Variants in SCAMP1 observed in about 807,000 individuals in gnomAD.
The protein encoded by SCAMP1 is secretory carrier membrane protein 1.
SCAMP1 carries 15 observed loss-of-function variants against 41.8 expected under a neutral mutation model. The observed-to-expected ratio is 0.36, with a 90% CI of 0.24 to 0.55. The LOEUF is 0.55. Among genes scored for constraint, SCAMP1 ranks in the 20% least tolerant of loss-of-function variants. SCAMP1 has a pLI of 0.86. For missense variants in SCAMP1, 341 were observed against 412.6 expected, an observed-to-expected ratio of 0.83 and a Z score of 1.50; for synonymous variants, 135 against 136.8, an observed-to-expected ratio of 0.99 and a Z score of 0.09.
chr5:78,422,916 A>G (rs1752373004), intron 6 of SCAMP1, among the ~76,000 whole-genome samples: 1 of 152,158 alleles, frequency 6.6e-6, no homozygotes, highest in Admixed American at 6.6e-5. Context: ...TAAAGGATAT[A>G]TTAGGGAAAT....
chr5:78,421,425 C>G lies in SCAMP1; in HGVS notation c.473-376C>G, dbSNP rs1752337126. 2.0e-5 allele frequency among the ~76,000 whole-genome samples: 3 copies of G among 152,144 alleles called. No homozygotes were observed. In the South Asian group the frequency reaches 6.2e-4, roughly 32 times the overall value. ...TTCTGTAAAGATATGGTTTTTCCTC[C>G]TAAGTCCTGGGTCTTTTCCTGGCAG... On this transcript the variant is annotated intron_variant, in intron 5 of 8. Coordinates refer to ENST00000621999, the MANE Select transcript of SCAMP1 (RefSeq NM_004866.6).
chr5:78,453,203 G>T (rs1274243620), intron 7 of SCAMP1, among the ~76,000 whole-genome samples: 2 of 151,192 alleles, frequency 1.3e-5, no homozygotes, highest in Non-Finnish European at 3.0e-5. Context: ...GATCCCATTT[G>T]TCAATTTTGG....
chr5:78,443,677 T>TTTG (rs1752985099), intron 6 of SCAMP1, among the ~76,000 whole-genome samples: 1 of 144,374 alleles, frequency 6.9e-6, no homozygotes, highest in Non-Finnish European at 1.5e-5. Context: ...TTTTTTTTTT[T>TTTG]GAGATAGGAT....
intron 2 of SCAMP1, among the ~76,000 whole-genome samples, chr5:78,397,995 G>C (rs757856045): frequency 1.2e-4 from 19 of 152,184 alleles, no homozygotes; most frequent in Non-Finnish European, 2.4e-4. Context: ...ACACACTGCT[G>C]ATGGGAATGT....
chr5:78,362,709 T>C (rs544949891), intron 1 of SCAMP1, among the ~76,000 whole-genome samples: 7 of 152,140 alleles, frequency 4.6e-5, no homozygotes, highest in Admixed American at 2.0e-4. Flanking sequence ...GACCCTTTAT[T>C]TTTCCATTTA....
intron 6 of SCAMP1, among the ~76,000 whole-genome samples, chr5:78,442,570 T>C (rs1377743903): frequency 1.3e-5 from 2 of 152,222 alleles, no homozygotes; most frequent in East Asian, 1.9e-4. Flanking sequence ...AGTTTTGTTT[T>C]ATAAGAGCAT....
At chr5:78,462,441 T>C (rs1378423697) in intron 8 of SCAMP1, among the ~76,000 whole-genome samples, 2 of 152,178 alleles carry the variant, frequency 1.3e-5, no homozygotes, top group East Asian at 3.8e-4. Flanking sequence ...GCAATTCTCA[T>C]GTTTTAGCCT....
intron 6 of SCAMP1, among the ~76,000 whole-genome samples, chr5:78,424,943 C>T (rs1752430064): frequency 6.6e-6 from 1 of 152,154 alleles, no homozygotes; most frequent in Non-Finnish European, 1.5e-5. Flanking sequence ...CTGTGCGGTT[C>T]TGAGCACATG....
intron 8 of SCAMP1, 40 bp from the exon 9 acceptor site, chr5:78,475,464 G>A: frequency 1.4e-6 from 2 of 1,475,238 alleles, no homozygotes; most frequent in Non-Finnish European, 1.8e-6. Context: ...GAATGCGTAG[G>A]TTGCTACTTA....
chr5:78,453,336 T>G (rs1753293918), intron 7 of SCAMP1, among the ~76,000 whole-genome samples: 1 of 149,138 alleles, frequency 6.7e-6, no homozygotes, highest in Non-Finnish European at 1.5e-5. Context: ...GTTTAAGTCT[T>G]TAATCCATCT....
At chr5:78,404,969 A>G (rs1365156651) in intron 2 of SCAMP1, among the ~76,000 whole-genome samples, 2 of 152,240 alleles carry the variant, frequency 1.3e-5, no homozygotes, top group African/African-American at 2.4e-5. Flanking sequence ...ACAATTTCTT[A>G]ATTACAGTTA....
chr5:78,431,800 C>T (rs1461287008), intron 6 of SCAMP1, among the ~76,000 whole-genome samples: 1 of 151,900 alleles, frequency 6.6e-6, no homozygotes, highest in Non-Finnish European at 1.5e-5. Context: ...GCTAGAAACA[C>T]ACAGTACATT....
chr5:78,475,515 A>G lies in SCAMP1; in HGVS notation c.864A>G (p.Leu288=), dbSNP rs1470603799. The G allele has an allele frequency of 1.2e-6, 2 of 1,606,678 alleles. No individual in the cohort carries two copies. The highest frequency in any genetic ancestry group is 2.2e-5 in the East Asian group (1 of 44,766). ...TTGTGCCTCTGTAGGTACATGGACT[A>G]TATCGCACAACAGGTGCTAGTTTTG... The part of the protein sequence containing the change: ...SLVMFKKVHG[L]YRTTGASFEK... Residue 288 remains leucine (L), a synonymous_variant, in exon 9 of 9, where the codon CTA becomes CTG. Coordinates refer to ENST00000621999, the MANE Select transcript of SCAMP1 (RefSeq NM_004866.6).
At chr5:78,458,005 C>G (rs1051158099) in intron 7 of SCAMP1, 1 of 152,810 alleles carries the variant, frequency 6.5e-6, no homozygotes, top group African/African-American at 2.4e-5. Context: ...TGACCTCTTG[C>G]GCTTCCCAAG....
At chr5:78,385,798 G>T (rs1452273383) in intron 1 of SCAMP1, among the ~76,000 whole-genome samples, 6 of 152,036 alleles carry the variant, frequency 3.9e-5, no homozygotes. Flanking sequence ...ATTCCACTGT[G>T]GTCTGAAAGA....
chr5:78,381,058 C>T (rs1026562622), intron 1 of SCAMP1, among the ~76,000 whole-genome samples: 1 of 145,152 alleles, frequency 6.9e-6, no homozygotes, highest in Non-Finnish European at 1.5e-5. Context: ...AACAGCAAGA[C>T]TCCGTCTCAA....
intron 8 of SCAMP1, among the ~76,000 whole-genome samples, chr5:78,472,932 G>T (rs1315823005): frequency 6.6e-6 from 1 of 152,108 alleles, no homozygotes; most frequent in Non-Finnish European, 1.5e-5. Context: ...CATTGCTCTG[G>T]TTTGGTCTAG....
chr5:78,425,334 A>G (rs895533908), intron 6 of SCAMP1, among the ~76,000 whole-genome samples: 1 of 152,194 alleles, frequency 6.6e-6, no homozygotes, highest in South Asian at 2.1e-4. Context: ...AATTTAAGAA[A>G]TGGAACATTA....
intron 1 of SCAMP1, among the ~76,000 whole-genome samples, chr5:78,380,686 C>T (rs145880959): frequency 8.0e-4 from 122 of 151,902 alleles, no homozygotes; most frequent in African/African-American, 2.8e-3. Context: ...TAATAATACT[C>T]GTTGAAGAAA....
Sources: gnomAD v4.1 joint callset for allele counts (sites outside exome capture counted in the v4.1 genomes callset) on GRCh38, gnomAD v4.1.1 for gene constraint, MANE v1.5 for transcripts, NCBI Gene and HGNC (gene_info 2026-07-23, HGNC 2026-07-21) for gene names.